The following C14orf39 variants were observed in gnomAD, a reference collection of about 807,000 sequenced individuals.
The protein encoded by C14orf39 is protein SIX6OS1.
In C14orf39, 66 loss-of-function variants were observed where a neutral mutation model predicts 85.6. The ratio of observed to expected loss-of-function variants is 0.77; its 90% CI spans 0.63 to 0.95. C14orf39 has a LOEUF of 0.95. Ranked by LOEUF, C14orf39 falls within the 40% of genes least tolerant of loss-of-function variation. The probability of loss-of-function intolerance (pLI) is 0.00; values close to 1 mark genes in which losing one functional copy is unlikely to be tolerated. For missense variants in C14orf39, 735 were observed against 663.9 expected (o/e 1.11, Z -1.18); for synonymous variants, 242 against 214.0 (o/e 1.13, Z -1.14).
At chr14:60,513,233 C>A (rs1876717369) in intron 1 of C14orf39, among the ~76,000 whole-genome samples, 2 of 152,174 alleles carry the variant, frequency 1.3e-5, no homozygotes, top group Non-Finnish European at 2.9e-5. Context: ...CGTGATAAAA[C>A]TGGTGTTCTT....
rs1001371834 is a variant in C14orf39, at chr14:60,509,968, C to T, written c.-144+5427G>A. 1.9e-6 allele frequency: 3 copies of T among 1,598,924 alleles called. No homozygotes were observed. The African/African-American group carries it at 4.0e-5, about 21-fold the overall frequency. The stretch of plus-strand genomic sequence containing the variant: ...GGGACCGAGCGGCTGCAGCCAAGAA[C>T]AGGTCGGTACCTAGAGGCCTCCGCG... On this transcript the variant is annotated intron_variant, in intron 1 of 5. Coordinates refer to the C14orf39 transcript ENST00000556799.
chr14:60,477,081 T>C (rs1892412734), intron 5 of C14orf39, among the ~76,000 whole-genome samples: 1 of 152,172 alleles, frequency 6.6e-6, no homozygotes, highest in Non-Finnish European at 1.5e-5. Flanking sequence ...CACTATCCTT[T>C]CAAGATGATT....
At chr14:60,470,194 C>A (rs1299864021) in intron 7 of C14orf39, among the ~76,000 whole-genome samples, 1 of 151,782 alleles carries the variant, frequency 6.6e-6, no homozygotes, top group Non-Finnish European at 1.5e-5. Flanking sequence ...TCGACTTGGA[C>A]TTTCTACTTG....
intron 6 of C14orf39, 30 bp from the exon 7 acceptor site, chr14:60,471,489 TTATTA>T: frequency 6.3e-7 from 1 of 1,584,760 alleles, no homozygotes; most frequent in Non-Finnish European, 8.6e-7. Flanking sequence ...CATAAGCTGA[TTATTA>T]TATTCTTTTC....
intron 1 of C14orf39, among the ~76,000 whole-genome samples, chr14:60,501,453 T>C (rs1026598163): frequency 7.3e-5 from 11 of 151,640 alleles, no homozygotes; most frequent in African/African-American, 2.4e-4. Flanking sequence ...AAACAAGAAA[T>C]GCCAGCAGCC....
At chr14:60,447,310 C>T (rs1890816641) in intron 16 of C14orf39, among the ~76,000 whole-genome samples, 1 of 152,208 alleles carries the variant, frequency 6.6e-6, no homozygotes, top group South Asian at 2.1e-4. Context: ...CCCATCATCT[C>T]AGCCCAAAAT....
intron 16 of C14orf39, among the ~76,000 whole-genome samples, chr14:60,444,309 T>A (rs554786919): frequency 2.6e-5 from 4 of 152,118 alleles, no homozygotes; most frequent in Non-Finnish European, 5.9e-5. Context: ...TGAAAAAAGG[T>A]TAGACGAATG....
At chr14:60,479,708 C>T (rs1892549167) in intron 4 of C14orf39, among the ~76,000 whole-genome samples, 1 of 151,992 alleles carries the variant, frequency 6.6e-6, no homozygotes, top group Non-Finnish European at 1.5e-5. Flanking sequence ...TCTGCTTTGA[C>T]CAATTTGTAA....
chr14:60,456,156 T>C (rs1450778078), intron 15 of C14orf39, among the ~76,000 whole-genome samples: 1 of 148,268 alleles, frequency 6.7e-6, no homozygotes, highest in Non-Finnish European at 1.5e-5. Flanking sequence ...CTGCTTGACA[T>C]ATGTTTTAGA....
At chr14:60,514,541 C>A (rs892782090) in intron 1 of C14orf39, among the ~76,000 whole-genome samples, 2 of 152,130 alleles carry the variant, frequency 1.3e-5, no homozygotes, top group Non-Finnish European at 2.9e-5. Flanking sequence ...CCTCTCGCCT[C>A]CACTTTAATG....
At chr14:60,512,783 C>T (rs932715838) in intron 1 of C14orf39, 1 of 152,166 alleles carries the variant, frequency 6.6e-6, no homozygotes, top group African/African-American at 2.4e-5. Flanking sequence ...TAAATGCTAG[C>T]CAGAGTCTCT....
chr14:60,466,120 G>T, intron 10 of C14orf39, 65 bp from the exon 11 acceptor site: 1 of 662,146 alleles, frequency 1.5e-6, no homozygotes, highest in Non-Finnish European at 2.3e-6. Context: ...CTTCCCCAAT[G>T]TTTAACCTAA....
chr14:60,457,226 TAAG>T, intron 14 of C14orf39, 131 bp from the exon 15 acceptor site: 1 of 458,442 alleles, frequency 2.2e-6, no homozygotes. Flanking sequence ...ATAACTGAAA[TAAG>T]AATAACTGGT....
In C14orf39 at chr14:60,456,952, C is replaced by A; in HGVS notation, c.1323G>T (p.Glu441Asp). The change falls in exon 15 of 18, where the codon GAG becomes GAT. Residue 441 changes from glutamate to aspartate, a missense_variant. Coordinates refer to ENST00000321731, the MANE Select transcript of C14orf39 (RefSeq NM_174978.3). ...GGGGGGTTTTAGGGAATTTTATTTT[C>A]TCCAATGACTCAGGTGCTTTCACAG... ...PKAVKAPESL[E>D]KIKFPKTPPF... The A allele has an allele frequency of 6.3e-7, 1 of 1,589,356 alleles. No homozygotes were observed. Among genetic ancestry groups the A allele is most frequent in the Non-Finnish European group, 8.5e-7 (1 of 1,172,752 alleles).
chr14:60,453,054 T>C (rs976113098), intron 16 of C14orf39, among the ~76,000 whole-genome samples: 6 of 152,134 alleles, frequency 3.9e-5, no homozygotes, highest in Admixed American at 6.5e-5. Flanking sequence ...TGATGTACTA[T>C]AAAGGTCAAT....
intron 16 of C14orf39, among the ~76,000 whole-genome samples, chr14:60,444,214 A>G (rs969800122): frequency 6.6e-6 from 1 of 152,228 alleles, no homozygotes; most frequent in Non-Finnish European, 1.5e-5. Context: ...GAGTTGATGG[A>G]TGCAGGCTTC....
chr14:60,463,476 T>C (rs907881067), intron 11 of C14orf39, among the ~76,000 whole-genome samples: 1 of 152,122 alleles, frequency 6.6e-6, no homozygotes, highest in Admixed American at 6.6e-5. Context: ...GTTTTGATAA[T>C]ATTTACAAAT....
At chr14:60,511,408 C>G in intron 1 of C14orf39, 1 of 894,606 alleles carries the variant, frequency 1.1e-6, no homozygotes, top group Non-Finnish European at 1.8e-6. Flanking sequence ...CCGCCCCACC[C>G]CGCGGCCGGC....
chr14:60,473,856 T>C (rs1289682775), intron 5 of C14orf39, among the ~76,000 whole-genome samples: 1 of 152,192 alleles, frequency 6.6e-6, no homozygotes, highest in Non-Finnish European at 1.5e-5. Flanking sequence ...AGCTTTGTTC[T>C]TTTGGCTTAG....
Sources: gnomAD v4.1 joint callset for allele counts (sites outside exome capture counted in the v4.1 genomes callset) on GRCh38, gnomAD v4.1.1 for gene constraint, MANE v1.5 for transcripts, NCBI Gene and HGNC (gene_info 2026-07-23, HGNC 2026-07-21) for gene names.